Variants in GPHN observed in about 807,000 individuals in gnomAD.
The protein encoded by GPHN is gephyrin.
Under a neutral mutation model 95.5 loss-of-function variants are expected in GPHN, and 17 were observed. The ratio of observed to expected loss-of-function variants is 0.18; its 90% CI spans 0.12 to 0.27. GPHN has a LOEUF of 0.27. Among genes scored for constraint, GPHN ranks in the 10% least tolerant of loss-of-function variants. The pLI, the probability that GPHN is intolerant of heterozygous loss-of-function variation, is 1.00. For missense variants in GPHN, 660 were observed against 978.1 expected (o/e 0.67, Z 4.34); for synonymous variants, 320 against 322.5 (o/e 0.99, Z 0.08).
chr14:67,231,743 G>C, the GPHN span, among the ~76,000 whole-genome samples: 1 of 152,186 alleles, frequency 6.6e-6, no homozygotes, highest in Non-Finnish European at 1.5e-5. Flanking sequence ...CGAGGTGGGC[G>C]GAGCACTTGA....
At chr14:66,594,764 G>A (rs1021713443) in intron 1 of GPHN, among the ~76,000 whole-genome samples, 1 of 152,068 alleles carries the variant, frequency 6.6e-6, no homozygotes, top group South Asian at 2.1e-4. Context: ...ATGATCACAC[G>A]TACTTTGGAT....
At chr14:67,130,107 T>C (rs1015771556) in intron 17 of GPHN, among the ~76,000 whole-genome samples, 3 of 152,196 alleles carry the variant, frequency 2.0e-5, no homozygotes, top group Non-Finnish European at 4.4e-5. Flanking sequence ...TTTATATATT[T>C]ACATATTTTC....
chr14:66,677,916 A>G (rs780938220), intron 1 of GPHN, among the ~76,000 whole-genome samples: 2 of 151,808 alleles, frequency 1.3e-5, no homozygotes, highest in South Asian at 2.1e-4. Flanking sequence ...TGCTTAAACC[A>G]TTTTTTTTCT....
the GPHN span, chr14:67,542,121 A>T: frequency 1.1e-6 from 1 of 901,918 alleles, no homozygotes; most frequent in Non-Finnish European, 1.6e-6. Context: ...ATGCAAAATG[A>T]AACCCAAGGT....
At chr14:67,032,443 C>T (rs888109371) in intron 10 of GPHN, among the ~76,000 whole-genome samples, 1 of 152,130 alleles carries the variant, frequency 6.6e-6, no homozygotes, top group African/African-American at 2.4e-5. Context: ...AAGAGTGGAA[C>T]ATGCATTAGG....
chr14:67,176,917 G>T (rs2082999278), intron 21 of GPHN, among the ~76,000 whole-genome samples: 1 of 152,242 alleles, frequency 6.6e-6, no homozygotes, highest in East Asian at 1.9e-4. Flanking sequence ...GGGATCAGTG[G>T]TGATATCCCC....
intron 16 of GPHN, among the ~76,000 whole-genome samples, chr14:67,115,667 G>A (rs996824171): frequency 7.2e-5 from 11 of 152,112 alleles, no homozygotes; most frequent in South Asian, 4.1e-4. Context: ...CCCGGGAGGC[G>A]GAGGTTGCAG....
chr14:67,003,572 A>G (rs955313051), intron 9 of GPHN, among the ~76,000 whole-genome samples: 6 of 151,588 alleles, frequency 4.0e-5, no homozygotes, highest in Admixed American at 3.9e-4. Flanking sequence ...ATTGTAGTGG[A>G]AGGTAAAGGG....
intron 8 of GPHN, among the ~76,000 whole-genome samples, chr14:66,944,401 A>G (rs2067620003): frequency 6.6e-6 from 1 of 152,236 alleles, no homozygotes; most frequent in East Asian, 1.9e-4. Flanking sequence ...TTTGCTCCCA[A>G]GGACATAAAA....
intron 2 of GPHN, among the ~76,000 whole-genome samples, chr14:66,701,205 CAT>C (rs1178506425): frequency 2.0e-5 from 3 of 152,132 alleles, no homozygotes; most frequent in African/African-American, 4.8e-5. Context: ...ACATATTACA[CAT>C]TTGAATAAAA....
the GPHN span, chr14:67,729,283 T>C: frequency 8.7e-6 from 14 of 1,605,048 alleles, no homozygotes; most frequent in Non-Finnish European, 1.2e-5. Context: ...CTGGCGGCTC[T>C]TCTCCCCCTT....
At chr14:67,726,845 ATTAGAG>A in the GPHN span, 1 of 747,370 alleles carries the variant, frequency 1.3e-6, no homozygotes, top group Non-Finnish European at 2.3e-6. Flanking sequence ...CAAACTGACC[ATTAGAG>A]TTACTCATGG....
chr14:66,937,501 C>T (rs187442068), intron 8 of GPHN, among the ~76,000 whole-genome samples: 1 of 152,202 alleles, frequency 6.6e-6, no homozygotes, highest in African/African-American at 2.4e-5. Context: ...CTGCCTCAGC[C>T]TCCCAAGTAG....
intron 18 of GPHN, among the ~76,000 whole-genome samples, chr14:67,145,710 AAGAC>A (rs1204466482): frequency 2.0e-5 from 3 of 152,338 alleles, no homozygotes; most frequent in Admixed American, 6.5e-5. Flanking sequence ...AAAATAATAA[AAGAC>A]AGAACATTTG....
the GPHN span, chr14:67,653,394 G>A: frequency 1.3e-6 from 2 of 1,574,242 alleles, no homozygotes; most frequent in African/African-American, 1.4e-5. Context: ...TTGGTTGAAA[G>A]CCACTGAGTT....
the GPHN span, among the ~76,000 whole-genome samples, chr14:67,230,788 T>C: frequency 6.6e-6 from 1 of 152,320 alleles, no homozygotes; most frequent in South Asian, 2.1e-4. Context: ...AACTTAACTA[T>C]GGAATACAAA....
At chr14:67,637,410 C>CA in the GPHN span, among the ~76,000 whole-genome samples, 1,409 of 103,470 alleles carry the variant, frequency 0.014, 65 homozygotes, top group African/African-American at 0.053. Flanking sequence ...GACTCTGTCT[C>CA]AAAAAAAAAA....
At chr14:66,754,372 A>T (rs117894602) in intron 2 of GPHN, among the ~76,000 whole-genome samples, 1 of 152,002 alleles carries the variant, frequency 6.6e-6, no homozygotes, top group Non-Finnish European at 1.5e-5. Flanking sequence ...TGAATATTCA[A>T]TTTATACTAC....
the GPHN span, among the ~76,000 whole-genome samples, chr14:67,559,941 T>C: frequency 6.6e-6 from 1 of 152,346 alleles, no homozygotes; most frequent in Non-Finnish European, 1.5e-5. Flanking sequence ...GGAATGTGTC[T>C]CACTTCTGAA....
Sources: gnomAD v4.1 joint callset for allele counts (sites outside exome capture counted in the v4.1 genomes callset) on GRCh38, gnomAD v4.1.1 for gene constraint, MANE v1.5 for transcripts, NCBI Gene and HGNC (gene_info 2026-07-23, HGNC 2026-07-21) for gene names.